The following RAB38 variants were observed in gnomAD, a reference collection of about 807,000 sequenced individuals.
RAB38 encodes the protein ras-related protein Rab-38.
Under a neutral mutation model 18.4 loss-of-function variants are expected in RAB38, and 15 were observed. That is an observed-to-expected ratio of 0.82 (90% confidence interval 0.55 to 1.26). The LOEUF is 1.26. Among genes scored for constraint, RAB38 ranks in the 50% most tolerant of loss-of-function variants. RAB38 has a pLI of 0.00. For synonymous variants in RAB38, 101 were observed against 104.4 expected, an observed-to-expected ratio of 0.97 and a Z score of 0.20; for missense variants, 294 against 267.4, an observed-to-expected ratio of 1.10 and a Z score of -0.69.
In RAB38 at chr11:88,171,483, T is replaced by G. The variant is rs374743416; in HGVS notation, c.202+3700A>C. On this transcript the variant is annotated intron_variant, in intron 1 of 2. Coordinates refer to ENST00000243662, the MANE Select transcript of RAB38 (RefSeq NM_022337.3). Reference sequence around the variant, plus strand: ...TTTCACAGTTTGCCTAATTATATTTTCAGAGTATCTAAATTTAGAATATAT... The same window carrying G: ...TTTCACAGTTTGCCTAATTATATTTGCAGAGTATCTAAATTTAGAATATAT... 5.3e-4 allele frequency among the ~76,000 whole-genome samples: 81 copies of G among 152,362 alleles called. 2 individuals carry two copies. The South Asian group carries it at 0.017, about 31-fold the overall frequency.
the RAB38 span, among the ~76,000 whole-genome samples, chr11:87,819,903 A>G: frequency 5.9e-5 from 9 of 152,020 alleles, no homozygotes; most frequent in African/African-American, 2.2e-4. Flanking sequence ...AAGAAACACA[A>G]GCAAATATAT....
intron 1 of RAB38, among the ~76,000 whole-genome samples, chr11:88,164,363 T>C (rs192982704): frequency 9.4e-4 from 141 of 150,484 alleles, no homozygotes; most frequent in African/African-American, 3.2e-3. Context: ...CCAGGAACTA[T>C]TAGCTTGAGG....
At chr11:88,006,843 T>C in the RAB38 span, among the ~76,000 whole-genome samples, 1 of 151,044 alleles carries the variant, frequency 6.6e-6, no homozygotes, top group Admixed American at 6.6e-5. Context: ...TATCAGAGGA[T>C]GGGGAGGGTT....
the RAB38 span, among the ~76,000 whole-genome samples, chr11:87,910,633 C>CTTTTT: frequency 1.1e-4 from 15 of 131,090 alleles, no homozygotes; most frequent in African/African-American, 3.4e-4. Context: ...AGTTCATTTT[C>CTTTTT]TTTTTTTTTT....
the RAB38 span, among the ~76,000 whole-genome samples, chr11:87,806,380 C>T: frequency 6.6e-6 from 1 of 152,130 alleles, no homozygotes; most frequent in Non-Finnish European, 1.5e-5. Flanking sequence ...ACCACATCCT[C>T]ATACGATGAA....
chr11:88,045,838 G>A, the RAB38 span, among the ~76,000 whole-genome samples: 16,860 of 151,974 alleles, frequency 0.11, 1,849 homozygotes, highest in East Asian at 0.33. Context: ...GGGTATTGAC[G>A]GCCAGGCTTC....
At chr11:87,968,562 C>A in the RAB38 span, among the ~76,000 whole-genome samples, 456 of 113,714 alleles carry the variant, frequency 4.0e-3, 1 homozygote, top group African/African-American at 0.013. Context: ...CAGATACAGA[C>A]AATAATTCTA....
chr11:87,957,850 TCTC>T, the RAB38 span, among the ~76,000 whole-genome samples: 1 of 152,022 alleles, frequency 6.6e-6, no homozygotes, highest in East Asian at 1.9e-4. Context: ...GGCCTACCAA[TCTC>T]CTTCCTAACG....
chr11:88,016,739 A>C, the RAB38 span, among the ~76,000 whole-genome samples: 38 of 151,488 alleles, frequency 2.5e-4, no homozygotes, highest in Non-Finnish European at 1.5e-5. Context: ...GAATAAAGAG[A>C]AACTTAAACT....
At chr11:88,139,460 C>T (rs993459293) in intron 2 of RAB38, among the ~76,000 whole-genome samples, 1 of 152,214 alleles carries the variant, frequency 6.6e-6, no homozygotes, top group Non-Finnish European at 1.5e-5. Context: ...GAACTTCATA[C>T]TATATTGTAA....
the RAB38 span, among the ~76,000 whole-genome samples, chr11:88,093,598 G>T: frequency 1.3e-5 from 2 of 151,728 alleles, no homozygotes; most frequent in Non-Finnish European, 2.9e-5. Flanking sequence ...ATCCTAACTT[G>T]TTATTCTACC....
chr11:88,076,793 C>CAA, the RAB38 span, among the ~76,000 whole-genome samples: 40,310 of 128,006 alleles, frequency 0.31, 6,571 homozygotes, highest in Non-Finnish European at 0.39. Context: ...ACTTAAAATA[C>CAA]AAAAAAAAAA....
chr11:87,966,771 C>A, the RAB38 span, among the ~76,000 whole-genome samples: 2 of 152,172 alleles, frequency 1.3e-5, no homozygotes, highest in Non-Finnish European at 2.9e-5. Flanking sequence ...ACATTAAGTA[C>A]ATAATTTTAT....
chr11:88,056,966 G>A, the RAB38 span, among the ~76,000 whole-genome samples: 27 of 152,070 alleles, frequency 1.8e-4, no homozygotes, highest in African/African-American at 5.3e-4. Flanking sequence ...GTGTTCACTC[G>A]GTGAATATAT....
At chr11:87,838,633 C>G in the RAB38 span, among the ~76,000 whole-genome samples, 1 of 152,136 alleles carries the variant, frequency 6.6e-6, no homozygotes, top group Non-Finnish European at 1.5e-5. Context: ...AAGCATTCAG[C>G]TTGCACAAAT....
chr11:88,113,824 A>G lies in RAB38; in HGVS notation c.*164T>C. ...TGTGATGATGGTGAGGAAAGCATAG[A>G]AAGAACATTTGCTATTTCTCTCTCA... is the stretch of plus-strand genomic sequence containing the variant. On this transcript the variant is annotated 3_prime_UTR_variant, in exon 3 of 3. Transcript: ENST00000243662. The G allele has an allele frequency of 1.3e-6, 1 of 793,236 alleles. No individual in the cohort carries two copies. The highest frequency in any genetic ancestry group is 1.9e-5 in the South Asian group (1 of 53,104). The allele number at this position is 793,236 out of a possible 1,614,324, so 49.1% of individuals were successfully genotyped here.
At chr11:88,006,913 C>T in the RAB38 span, among the ~76,000 whole-genome samples, 1 of 151,052 alleles carries the variant, frequency 6.6e-6, no homozygotes, top group African/African-American at 2.4e-5. Context: ...CAATTAGATA[C>T]GAAAAATAAG....
chr11:87,867,558 T>C, the RAB38 span, among the ~76,000 whole-genome samples: 1 of 151,758 alleles, frequency 6.6e-6, no homozygotes, highest in Non-Finnish European at 1.5e-5. Context: ...CATTCAAGAA[T>C]TGGACTTTAT....
At chr11:88,130,659 C>T (rs1363894935) in intron 2 of RAB38, among the ~76,000 whole-genome samples, 1 of 152,028 alleles carries the variant, frequency 6.6e-6, no homozygotes, top group Non-Finnish European at 1.5e-5. Context: ...GGGTTGGTTC[C>T]AAAGTAAAAT....
Sources: gnomAD v4.1 joint callset for allele counts (sites outside exome capture counted in the v4.1 genomes callset) on GRCh38, gnomAD v4.1.1 for gene constraint, MANE v1.5 for transcripts, NCBI Gene and HGNC (gene_info 2026-07-23, HGNC 2026-07-21) for gene names.